HSF5: variants seen among roughly 807,000 people sequenced by gnomAD.
The protein encoded by HSF5 is heat shock factor protein 5.
A neutral mutation model predicts 50.8 loss-of-function variants in HSF5; 5 were observed. The observed-to-expected ratio is 0.10, with a 90% CI of 0.05 to 0.21. The LOEUF is 0.21. HSF5 is among the 10% of genes least tolerant of loss of function. HSF5 has a pLI of 1.00. For missense variants in HSF5, 564 were observed against 762.6 expected (o/e 0.74, Z 3.07); for synonymous variants, 307 against 307.4 (o/e 1.00, Z 0.02).
chr17:58,430,970 C>T (rs1974357246), intron 5 of HSF5, among the ~76,000 whole-genome samples: 1 of 152,142 alleles, frequency 6.6e-6, no homozygotes, highest in African/African-American at 2.4e-5. Context: ...CCAAATCCCA[C>T]CTTGAATTCC....
rs1271829226 is a variant in HSF5 at position 58,463,250 on chromosome 17, G to A, written c.1074C>T (p.Pro358=). 6.2e-7 allele frequency: 1 copy of A among 1,614,010 alleles called. No individual in the cohort carries two copies. Among genetic ancestry groups the A allele is most frequent in the Non-Finnish European group, 8.5e-7 (1 of 1,179,918 alleles). The part of the protein sequence containing the change: ...YPVEFLPSNW[P]CSTTDENTKT... ...TTGTATTTTCATCAGTAGTACTGCA[G>A]GGCCAATTGGAAGGCAAAAATTCAA... The change falls in exon 4 of 6, where the codon CCC becomes CCT. Residue 358 remains proline, a synonymous_variant. Transcript: ENST00000323777.
intron 3 of HSF5, among the ~76,000 whole-genome samples, chr17:58,463,946 G>A (rs1280702958): frequency 6.6e-6 from 1 of 152,166 alleles, no homozygotes; most frequent in Non-Finnish European, 1.5e-5. Flanking sequence ...TACATGTTTG[G>A]TGATAAAGAT....
intron 5 of HSF5, among the ~76,000 whole-genome samples, chr17:58,446,997 C>CTGGGT (rs1567909357): frequency 6.6e-6 from 1 of 152,096 alleles, no homozygotes; most frequent in African/African-American, 2.4e-5. Context: ...TGGTGGCACA[C>CTGGGT]GCCTGTAGTC....
intron 5 of HSF5, 23 bp from the exon 6 acceptor site, chr17:58,422,453 T>C: frequency 6.2e-7 from 1 of 1,604,058 alleles, no homozygotes; most frequent in Non-Finnish European, 8.5e-7. Context: ...GATAGTTTAC[T>C]CCCTCTTAGC....
At chr17:58,472,670 A>G (rs1974964125) in intron 2 of HSF5, among the ~76,000 whole-genome samples, 1 of 152,212 alleles carries the variant, frequency 6.6e-6, no homozygotes, top group African/African-American at 2.4e-5. Flanking sequence ...TTCATATCCA[A>G]TGATTAACTG....
chr17:58,440,241 T>G (rs1974481903), intron 5 of HSF5, among the ~76,000 whole-genome samples: 1 of 152,184 alleles, frequency 6.6e-6, no homozygotes. Flanking sequence ...AGGCTGAGCT[T>G]TGCCTTTTGG....
rs118125913 is a variant in HSF5, at chr17:58,481,600, G to A, written c.551-1333C>T. Reference sequence around the variant, plus strand: ...GTGCTACTCAAGTATTAAACTACACGTTGAAAGTTAACACTCAAATATCTG... The same window carrying A: ...GTGCTACTCAAGTATTAAACTACACATTGAAAGTTAACACTCAAATATCTG... On this transcript the variant is annotated intron_variant, in intron 1 of 5. Coordinates refer to ENST00000323777, the MANE Select transcript of HSF5 (RefSeq NM_001080439.3). Among the ~76,000 whole-genome samples the A allele has an allele frequency of 6.0e-4, 91 of 152,306 alleles. 1 individual carries two copies. The East Asian group carries it at 0.015, about 25-fold the overall frequency.
chr17:58,437,255 G>A (rs1974439492), intron 5 of HSF5, among the ~76,000 whole-genome samples: 1 of 152,088 alleles, frequency 6.6e-6, no homozygotes, highest in Admixed American at 6.5e-5. Flanking sequence ...AGGCATTCTT[G>A]GTATAGGGTA....
intron 5 of HSF5, among the ~76,000 whole-genome samples, chr17:58,439,773 C>G (rs899813344): frequency 2.0e-5 from 3 of 152,136 alleles, no homozygotes; most frequent in Admixed American, 2.0e-4. Context: ...CATGAGCCAC[C>G]ATGCCCAACT....
chr17:58,485,266 T>G (rs1350012607), intron 1 of HSF5, among the ~76,000 whole-genome samples: 1 of 152,084 alleles, frequency 6.6e-6, no homozygotes, highest in Non-Finnish European at 1.5e-5. Flanking sequence ...GATTTCTTTA[T>G]AGTAAATCCA....
intron 1 of HSF5, among the ~76,000 whole-genome samples, chr17:58,482,050 AAC>A (rs1975104517): frequency 6.6e-6 from 1 of 152,204 alleles, no homozygotes; most frequent in African/African-American, 2.4e-5. Flanking sequence ...GGTTACAGTG[AAC>A]TATGATCGTG....
rs1374538643 is a variant in HSF5 at position 58,420,882 on chromosome 17, A to G, written c.*1478T>C. 6.6e-6 allele frequency: 1 copy of G among 152,520 alleles called. No homozygotes were observed. The highest frequency in any genetic ancestry group is 1.9e-4 in the East Asian group (1 of 5,204). 9.4% of individuals were successfully genotyped at this position (152,520 alleles called of 1,614,324 possible). ...TTCCAGAAAAGTAGATCTCTGTAAT[A>G]TTTCTAGGGTTTGACATCATTGGGA... is the stretch of plus-strand genomic sequence containing the variant. On this transcript the variant is annotated 3_prime_UTR_variant, in exon 6 of 6. Transcript: ENST00000323777.
At chr17:58,471,017 AAT>A (rs1254171650) in intron 2 of HSF5, among the ~76,000 whole-genome samples, 3 of 152,108 alleles carry the variant, frequency 2.0e-5, no homozygotes, top group African/African-American at 7.2e-5. Context: ...CAGAAAATAG[AAT>A]GGTGGTTGCT....
At chr17:58,462,242 GC>G (rs1234690262) in intron 4 of HSF5, among the ~76,000 whole-genome samples, 5 of 152,164 alleles carry the variant, frequency 3.3e-5, no homozygotes, top group African/African-American at 1.2e-4. Context: ...AAAGGAATTA[GC>G]CTTTACCTTC....
chr17:58,480,597 A>G (rs1355614909), intron 1 of HSF5, among the ~76,000 whole-genome samples: 1 of 152,274 alleles, frequency 6.6e-6, no homozygotes, highest in Non-Finnish European at 1.5e-5. Flanking sequence ...TATTTGCCTG[A>G]CCCAGATTTT....
intron 2 of HSF5, among the ~76,000 whole-genome samples, chr17:58,473,008 A>G (rs1974969839): frequency 6.6e-6 from 1 of 152,140 alleles, no homozygotes; most frequent in Admixed American, 6.6e-5. Flanking sequence ...AAAACAAAGC[A>G]AAAAACAAAA....
chr17:58,484,684 A>G (rs1342931650), intron 1 of HSF5, among the ~76,000 whole-genome samples: 1 of 152,024 alleles, frequency 6.6e-6, no homozygotes, highest in African/African-American at 2.4e-5. Flanking sequence ...ACCAAAATCA[A>G]TGGCCATCAC....
At chr17:58,442,612 A>T (rs1567908224) in intron 5 of HSF5, among the ~76,000 whole-genome samples, 1 of 152,230 alleles carries the variant, frequency 6.6e-6, no homozygotes, top group Non-Finnish European at 1.5e-5. Flanking sequence ...TTTCTCGTTT[A>T]TATTGTTAAT....
At chr17:58,422,459 T>C (rs768678694) in intron 5 of HSF5, 29 bp from the exon 6 acceptor site, 1 of 1,591,376 alleles carries the variant, frequency 6.3e-7, no homozygotes, top group Non-Finnish European at 8.6e-7. Flanking sequence ...TTACTCCCTC[T>C]TAGCCTCTCT....
Sources: gnomAD v4.1 joint callset for allele counts (sites outside exome capture counted in the v4.1 genomes callset) on GRCh38, gnomAD v4.1.1 for gene constraint, MANE v1.5 for transcripts, NCBI Gene and HGNC (gene_info 2026-07-23, HGNC 2026-07-21) for gene names.